Variants in LMO7 observed in about 807,000 individuals in gnomAD.
LMO7 encodes LIM domain only protein 7.
LMO7 carries 120 observed loss-of-function variants against 206.5 expected under a neutral mutation model. The ratio of observed to expected loss-of-function variants is 0.58; its 90% CI spans 0.50 to 0.68. LMO7 has a LOEUF of 0.68. LMO7 is among the 30% of genes least tolerant of loss of function. LMO7 has a pLI of 0.00. For synonymous variants in LMO7, 706 were observed against 681.5 expected (o/e 1.04, Z -0.56); for missense variants, 1,959 against 1,957.9 (o/e 1.00, Z -0.01).
chr13:75,843,608 G>A (rs1221039904), intron 25 of LMO7, among the ~76,000 whole-genome samples: 1 of 152,212 alleles, frequency 6.6e-6, no homozygotes, highest in Non-Finnish European at 1.5e-5. Context: ...AGTTTGGTTA[G>A]AACTACTGGT....
At chr13:75,737,674 A>T (rs1594650678) in intron 3 of LMO7, among the ~76,000 whole-genome samples, 1 of 134,948 alleles carries the variant, frequency 7.4e-6, no homozygotes, top group Non-Finnish European at 1.6e-5. Flanking sequence ...GATGGCGTGA[A>T]CCTGGGAGGC....
At chr13:75,668,607 C>G (rs2139351034) in intron 1 of LMO7, among the ~76,000 whole-genome samples, 1 of 152,254 alleles carries the variant, frequency 6.6e-6, no homozygotes, top group African/African-American at 2.4e-5. Flanking sequence ...TTCCACATGT[C>G]AACTCACTTC....
chr13:75,777,706 G>C (rs1056529531), intron 4 of LMO7, among the ~76,000 whole-genome samples: 1 of 149,796 alleles, frequency 6.7e-6, no homozygotes, highest in Non-Finnish European at 1.5e-5. Context: ...AGTGCAGTGG[G>C]GCGATCCCGG....
At chr13:75,720,169 A>AT (rs1353582270) in intron 2 of LMO7, among the ~76,000 whole-genome samples, 1 of 152,040 alleles carries the variant, frequency 6.6e-6, no homozygotes, top group Non-Finnish European at 1.5e-5. Flanking sequence ...TCTTTGGCCC[A>AT]TTTTTTAATC....
chr13:75,771,937 T>G (rs1594857611), intron 4 of LMO7, among the ~76,000 whole-genome samples: 1 of 151,338 alleles, frequency 6.6e-6, no homozygotes, highest in Non-Finnish European at 1.5e-5. Context: ...TATTGGAGGG[T>G]TAAAAACAGG....
intron 1 of LMO7, among the ~76,000 whole-genome samples, chr13:75,650,603 G>A (rs1269893651): frequency 6.6e-6 from 1 of 152,098 alleles, no homozygotes; most frequent in South Asian, 2.1e-4. Flanking sequence ...TTGCACTGTC[G>A]AAAACATGGT....
intron 4 of LMO7, among the ~76,000 whole-genome samples, chr13:75,765,881 C>T (rs1463800022): frequency 1.3e-5 from 2 of 152,064 alleles, no homozygotes; most frequent in Non-Finnish European, 2.9e-5. Context: ...CCAAAAAAGC[C>T]CTGGGGTCTG....
chr13:75,849,596 A>G (rs2060318828), intron 27 of LMO7, among the ~76,000 whole-genome samples: 1 of 151,880 alleles, frequency 6.6e-6, no homozygotes. Context: ...GGGCATTCTG[A>G]AGTGAGGTTC....
intron 1 of LMO7, among the ~76,000 whole-genome samples, chr13:75,663,438 T>TCTTTCTTTCTTTC (rs1220617573): frequency 2.1e-5 from 3 of 144,594 alleles, no homozygotes; most frequent in East Asian, 2.0e-4. Context: ...CTTTCTTTTT[T>TCTTTCTTTCTTTC]TTTTTTTTTT....
chr13:75,825,984 C>T (rs2058076973), intron 15 of LMO7, among the ~76,000 whole-genome samples: 1 of 151,974 alleles, frequency 6.6e-6, no homozygotes, highest in African/African-American at 2.4e-5. Context: ...TCATCTCTTC[C>T]TCCAGACTCC....
rs749053338 is a variant in LMO7 at position 75,807,912 on chromosome 13, T to C, written c.1629T>C (p.Phe543=). The C allele has an allele frequency of 6.2e-7, 1 of 1,613,942 alleles. No homozygotes were observed. The highest frequency in any genetic ancestry group is 8.5e-7 in the Non-Finnish European group (1 of 1,179,874). ...CAGATAGATACCACCCAGTCCCTTT[T>C]CCCGAACCCTGGACTCTTCCTCCAG... ...GAPDRYHPVP[F]PEPWTLPPEI... is the part of the protein sequence containing the mutation. The change falls in exon 10 of 31, where the codon TTT becomes TTC. Residue 543 remains phenylalanine (F), a synonymous_variant. Transcript: ENST00000377534.
chr13:75,744,422 T>A (rs2046665321), intron 3 of LMO7, among the ~76,000 whole-genome samples: 2 of 152,232 alleles, frequency 1.3e-5, no homozygotes, highest in African/African-American at 2.4e-5. Flanking sequence ...CAACTTTTTT[T>A]TTGAACGTTA....
At chr13:75,643,482 T>C (rs1349611945) in intron 1 of LMO7, among the ~76,000 whole-genome samples, 2 of 152,188 alleles carry the variant, frequency 1.3e-5, no homozygotes, top group Non-Finnish European at 2.9e-5. Context: ...GTTGAATGAA[T>C]GAATGTTTTG....
At chr13:75,822,332 G>T (rs2057663481) in intron 14 of LMO7, among the ~76,000 whole-genome samples, 1 of 152,030 alleles carries the variant, frequency 6.6e-6, no homozygotes, top group Admixed American at 6.6e-5. Flanking sequence ...TAAGCTAATT[G>T]GGAAACTCCT....
intron 1 of LMO7, among the ~76,000 whole-genome samples, chr13:75,677,001 C>A (rs980676812): frequency 6.6e-6 from 1 of 151,992 alleles, no homozygotes; most frequent in Admixed American, 6.6e-5. Flanking sequence ...TTATTTTGAA[C>A]AACTTTTCTT....
chr13:75,835,281 C>A lies in LMO7; in HGVS notation c.3275C>A (p.Ser1092Ter). The A allele has an allele frequency of 6.2e-7, 1 of 1,610,662 alleles. No individual in the cohort carries two copies. Among genetic ancestry groups the A allele is most frequent in the Non-Finnish European group, 8.5e-7 (1 of 1,178,406 alleles). The stretch of plus-strand genomic sequence containing the variant: ...GATGCAACTTCTGGAATTTACAACT[C>A]AGAAAAATCTTCAAATCTATCTGTA... ...WIDATSGIYN[S>*]EKSSNLSVTT... The change falls in exon 18 of 31, where the codon TCA (serine) becomes TAA (stop). Residue 1092 changes from serine to a stop codon, truncating the protein, a stop_gained. Transcript: ENST00000377534. LOFTEE classifies it high-confidence loss of function.
Position 75,848,458 on chromosome 13 carries a change from TCTATCTATCTAA to T in LMO7, c.4151-614_4151-603del, listed in dbSNP as rs2060185096. Among the ~76,000 whole-genome samples the T allele has an allele frequency of 2.0e-5, 3 of 152,062 alleles. No individual in the cohort carries two copies. In the East Asian group the frequency reaches 5.8e-4, roughly 29 times the overall value. On this transcript the variant is annotated intron_variant, in intron 26 of 30. Transcript: ENST00000377534. ...ATCTATCTATCTATCTATCTATCTA[TCTATCTATCTAA>T]CTATCTCACATTCTCTTTATCCACT...
intron 11 of LMO7, 102 bp downstream of exon 11, chr13:75,809,285 G>T: frequency 3.1e-6 from 3 of 968,430 alleles, no homozygotes; most frequent in Non-Finnish European, 3.3e-6. Flanking sequence ...GGGTTGTTGT[G>T]TGCTGTGCAT....
intron 26 of LMO7, 55 bp from the exon 27 acceptor site, chr13:75,849,024 A>G: frequency 3.0e-6 from 3 of 1,015,792 alleles, no homozygotes; most frequent in Non-Finnish European, 4.5e-6. Context: ...GTCAATCATC[A>G]CTGTCACTTT....
Sources: gnomAD v4.1 joint callset for allele counts (sites outside exome capture counted in the v4.1 genomes callset) on GRCh38, gnomAD v4.1.1 for gene constraint, MANE v1.5 for transcripts, NCBI Gene and HGNC (gene_info 2026-07-23, HGNC 2026-07-21) for gene names.